The following TSNARE1 variants were observed in gnomAD, a reference collection of about 807,000 sequenced individuals.
The protein encoded by TSNARE1 is t-SNARE domain-containing protein 1.
Under a neutral mutation model 62.0 loss-of-function variants are expected in TSNARE1, and 49 were observed. The ratio of observed to expected loss-of-function variants is 0.79; its 90% CI spans 0.63 to 1.00. TSNARE1 has a LOEUF of 1.00. Ranked by LOEUF, TSNARE1 falls within the 50% of genes least tolerant of loss-of-function variation. TSNARE1 has a pLI of 0.00. For missense variants in TSNARE1, 755 were observed against 700.1 expected, an observed-to-expected ratio of 1.08 and a Z score of -0.88; for synonymous variants, 328 against 294.4, an observed-to-expected ratio of 1.11 and a Z score of -1.17.
At chr8:142,272,210 A>G (rs1819646083) in intron 12 of TSNARE1, among the ~76,000 whole-genome samples, 1 of 150,666 alleles carries the variant, frequency 6.6e-6, no homozygotes, top group Non-Finnish European at 1.5e-5. Context: ...CCACCCAGCC[A>G]CTCACCCATC....
In TSNARE1 at chr8:142,300,631, G is replaced by A. The variant is rs532627645; in HGVS notation, c.1145C>T (p.Pro382Leu). ...CTCATCATCAGCCAGCTCGGCAAAC[G>A]GGGCCTGGGGACTCTGCTGATGACA... is the stretch of plus-strand genomic sequence containing the variant. ...QRGSKQSPQA[P>L]FAELADDEKV... The change falls in exon 10 of 14, where the codon CCG becomes CTG. Residue 382 changes from proline to leucine, a missense_variant. Pro to Leu is a moderately conservative substitution (Grantham distance 98, BLOSUM62 -3). Transcript: ENST00000524325. 38 of 1,613,206 alleles carry A rather than the reference G, an allele frequency of 2.4e-5. No individual in the cohort carries two copies. Among genetic ancestry groups the A allele is most frequent in the Non-Finnish European group, 2.6e-5 (31 of 1,179,764 alleles).
At chr8:142,299,361 T>A (rs1400636060) in intron 10 of TSNARE1, among the ~76,000 whole-genome samples, 1 of 152,256 alleles carries the variant, frequency 6.6e-6, no homozygotes, top group Admixed American at 6.5e-5. Context: ...GCCAGGCCTC[T>A]GCTTTTCTAG....
Position 142,344,235 on chromosome 8 carries a change from C to A in TSNARE1, c.476G>T (p.Arg159Leu), listed in dbSNP as rs577429987. ...GTGLLKAEPT[R>L]RYRVWSRILQ... ...GATGCGGCTCCACACGCGGTACCTGCGAGTGGGCTCGGCCTTCAGCAGCCC... is the reference window on the plus strand; with the variant it reads ...GATGCGGCTCCACACGCGGTACCTGAGAGTGGGCTCGGCCTTCAGCAGCCC... Residue 159 changes from arginine to leucine, a missense_variant, in exon 4 of 14, where the codon CGC becomes CTC. Arg to Leu is a moderately radical substitution (Grantham distance 102, BLOSUM62 -2). Coordinates refer to ENST00000524325, the MANE Select transcript of TSNARE1 (RefSeq NM_145003.5). 1 of 1,612,714 alleles carries A rather than the reference C, an allele frequency of 6.2e-7. No homozygotes were observed. The highest frequency in any genetic ancestry group is 1.3e-5 in the African/African-American group (1 of 75,050).
At chr8:142,219,572 C>G (rs1816105765) in intron 13 of TSNARE1, among the ~76,000 whole-genome samples, 1 of 152,226 alleles carries the variant, frequency 6.6e-6, no homozygotes, top group African/African-American at 2.4e-5. Context: ...GGGATGAGGT[C>G]TCCTGACCGA....
At chr8:142,310,581 T>G (rs563705236) in intron 9 of TSNARE1, among the ~76,000 whole-genome samples, 3 of 151,552 alleles carry the variant, frequency 2.0e-5, no homozygotes, top group African/African-American at 7.3e-5. Context: ...CCTTTATTTC[T>G]GAAGCATGTC....
chr8:142,253,036 G>A (rs1818250066), intron 12 of TSNARE1, among the ~76,000 whole-genome samples: 1 of 152,230 alleles, frequency 6.6e-6, no homozygotes, highest in South Asian at 2.1e-4. Flanking sequence ...CCCCAGGCCT[G>A]CAGGAGGGCA....
chr8:142,270,556 G>A, intron 12 of TSNARE1: 1 of 984,950 alleles, frequency 1.0e-6, no homozygotes, highest in South Asian at 4.7e-5. Context: ...CATATGGGAT[G>A]TGGTTCCCCT....
At chr8:142,278,868 G>A (rs973784793) in intron 11 of TSNARE1, 1 of 923,878 alleles carries the variant, frequency 1.1e-6, no homozygotes, top group Non-Finnish European at 1.3e-6. Flanking sequence ...GGCACAGCGT[G>A]GGGCGGGGAA....
chr8:142,374,612 G>A (rs965719560), intron 1 of TSNARE1, among the ~76,000 whole-genome samples: 10 of 152,004 alleles, frequency 6.6e-5, no homozygotes, highest in Admixed American at 1.3e-4. Context: ...ACCCAGAGGC[G>A]GAGGTTGCAG....
At chr8:142,283,786 C>T (rs1360977694) in intron 11 of TSNARE1, among the ~76,000 whole-genome samples, 10 of 129,624 alleles carry the variant, frequency 7.7e-5, no homozygotes, top group Non-Finnish European at 1.3e-4. Flanking sequence ...TGAACAGAGG[C>T]GGGGCCAGTG....
intron 12 of TSNARE1, among the ~76,000 whole-genome samples, chr8:142,242,000 C>T (rs1387890508): frequency 6.6e-6 from 1 of 151,330 alleles, no homozygotes; most frequent in Non-Finnish European, 1.5e-5. Context: ...CATCTCATGC[C>T]GTATACAACA....
chr8:142,227,352 C>CACAACTCCAGTG (rs1816876896), intron 13 of TSNARE1, among the ~76,000 whole-genome samples: 3 of 115,626 alleles, frequency 2.6e-5, no homozygotes, highest in Admixed American at 1.6e-4. Flanking sequence ...CCATCCTGCC[C>CACAACTCCAGTG]ATAGCCCCAG....
chr8:142,343,978 C>T lies in TSNARE1; in HGVS notation c.733G>A (p.Glu245Lys), dbSNP rs1430793752. The stretch of plus-strand genomic sequence containing the variant: ...GCAAGGAACTCACCTCTGGGCGGCT[C>T]CAGACTGAAGCCCTCGGAGGGCAGG... Reference protein sequence around the residue: ...QALPSEGFSLEPPRATQVDPC... With the variant: ...QALPSEGFSLKPPRATQVDPC... The change falls in exon 4 of 14, where the codon GAG (glutamate) becomes AAG (lysine). Residue 245 changes from glutamate (E) to lysine (K), a missense_variant. Physicochemically the swap from Glu to Lys is moderately conservative, Grantham distance 56. Coordinates refer to ENST00000524325, the MANE Select transcript of TSNARE1 (RefSeq NM_145003.5). 2 of 1,533,290 alleles carry T rather than the reference C, an allele frequency of 1.3e-6. No homozygotes were observed. The highest frequency in any genetic ancestry group is 1.8e-6 in the Non-Finnish European group (2 of 1,139,220). 95.0% of individuals were successfully genotyped at this position (1,533,290 alleles called of 1,614,324 possible).
chr8:142,361,195 G>A (rs560523868), intron 1 of TSNARE1, among the ~76,000 whole-genome samples: 1 of 152,360 alleles, frequency 6.6e-6, no homozygotes. Flanking sequence ...CGGGCACCGT[G>A]GTGGGGACAC....
intron 1 of TSNARE1, among the ~76,000 whole-genome samples, chr8:142,368,760 C>T (rs1167143195): frequency 6.6e-6 from 1 of 152,152 alleles, no homozygotes; most frequent in Non-Finnish European, 1.5e-5. Flanking sequence ...GACAGGAAGC[C>T]CCTCTCCCCT....
chr8:142,252,527 A>T (rs78125189), intron 12 of TSNARE1, among the ~76,000 whole-genome samples: 11,257 of 152,336 alleles, frequency 0.074, 569 homozygotes, highest in Non-Finnish European at 0.11. Context: ...GCGCCCCAGC[A>T]GGAGCTACCT....
chr8:142,406,558 T>A (rs1227046746), upstream of TSNARE1: 3 of 152,232 alleles, frequency 2.0e-5, no homozygotes, highest in African/African-American at 4.8e-5. Context: ...AGCCCGGGCT[T>A]CCAACCACAT....
At chr8:142,346,580 T>C (rs557623158) in intron 2 of TSNARE1, among the ~76,000 whole-genome samples, 2 of 152,190 alleles carry the variant, frequency 1.3e-5, no homozygotes, top group Non-Finnish European at 2.9e-5. Flanking sequence ...CACCCCAGAG[T>C]CACAGACACG....
chr8:142,332,115 C>T (rs555353615), intron 4 of TSNARE1, among the ~76,000 whole-genome samples: 4 of 152,328 alleles, frequency 2.6e-5, no homozygotes, highest in South Asian at 4.1e-4. Flanking sequence ...CAGCAGCTGG[C>T]GTGTGTGCCC....
Sources: allele counts gnomAD v4.1 joint callset (sites outside exome capture counted in the v4.1 genomes callset), GRCh38; gene constraint gnomAD v4.1.1; transcripts MANE v1.5; gene names NCBI Gene and HGNC (gene_info 2026-07-23, HGNC 2026-07-21).